STXBP6: variants seen among roughly 807,000 people sequenced by gnomAD.
STXBP6 encodes syntaxin-binding protein 6.
A neutral mutation model predicts 26.9 loss-of-function variants in STXBP6; 21 were observed. The ratio of observed to expected loss-of-function variants is 0.78; its 90% confidence interval spans 0.55 to 1.12. STXBP6 has a LOEUF of 1.12. STXBP6 is among the 50% of genes most tolerant of loss of function. The probability of loss-of-function intolerance (pLI) is 0.00; values close to 1 mark genes in which losing one functional copy is unlikely to be tolerated. For synonymous variants in STXBP6, 97 were observed against 92.6 expected (o/e 1.05, Z -0.27); for missense variants, 232 against 257.9 (o/e 0.90, Z 0.69).
Position 25,045,622 on chromosome 14 carries a change from A to C in STXBP6, c.-33+4256T>G, listed in dbSNP as rs368043490. ...TTTCTTTTCTTTTTTTTTTTTTTTG[A>C]GATGGAGATTCACTCTTGTTGCCCA... On this transcript the variant is annotated intron_variant, in intron 1 of 5. Transcript: ENST00000323944. 2.0e-4 allele frequency among the ~76,000 whole-genome samples: 24 copies of C among 117,616 alleles called. No homozygotes were observed. The East Asian group carries it at 4.2e-3, about 21-fold the overall frequency. The allele number at this position is 117,616 out of a possible 152,430, so 77.2% of individuals were successfully genotyped here.
Position 25,049,322 on chromosome 14 carries a change from G to A in STXBP6, c.-33+556C>T. 3 of 985,424 alleles carry A rather than the reference G, an allele frequency of 3.0e-6. No homozygotes were observed. Among genetic ancestry groups the A allele is most frequent in the Non-Finnish European group, 3.6e-6 (3 of 829,932 alleles). The allele number at this position is 985,424 out of a possible 1,614,324, so 61.0% of individuals were successfully genotyped here. On this transcript the variant is annotated intron_variant, in intron 1 of 5. Coordinates refer to ENST00000323944, the MANE Select transcript of STXBP6 (RefSeq NM_001394410.1). This position sits in a 1 kb window ranked among gnomAD's most constrained non-coding sequence, Gnocchi z 5.6. ...AGCCTGAGATCGGAAAGGGGGCATCGCCCAGGGCCAGCGCCCTGGGGGCAG... is the reference window on the plus strand; with the variant it reads ...AGCCTGAGATCGGAAAGGGGGCATCACCCAGGGCCAGCGCCCTGGGGGCAG...
intron 2 of STXBP6, among the ~76,000 whole-genome samples, chr14:24,885,517 A>T (rs2070548497): frequency 6.6e-6 from 1 of 152,224 alleles, no homozygotes; most frequent in African/African-American, 2.4e-5. Context: ...TACCTTCACA[A>T]GGGAGGCCAC....
intron 1 of STXBP6, among the ~76,000 whole-genome samples, chr14:24,983,264 C>T (rs140039496): frequency 1.3e-5 from 2 of 152,260 alleles, no homozygotes; most frequent in African/African-American, 4.8e-5. Flanking sequence ...TTGACATTCC[C>T]CTATTTTTAC....
Position 24,891,493 on chromosome 14 carries a change from C to T in STXBP6, c.155-34336G>A, listed in dbSNP as rs148195075. ...CTAAAACCTCACCATTAATTCATTC[C>T]CTGTTCCCCATCCTGTAAAGAAAGA... On this transcript the variant is annotated intron_variant, in intron 2 of 5. Coordinates refer to ENST00000323944, the MANE Select transcript of STXBP6 (RefSeq NM_001394410.1). Among the ~76,000 whole-genome samples the T allele has an allele frequency of 2.2e-3, 330 of 152,250 alleles. 2 individuals are homozygous for T. Among genetic ancestry groups the T allele is most frequent in the African/African-American group, 7.7e-3 (318 of 41,542 alleles).
intron 2 of STXBP6, among the ~76,000 whole-genome samples, chr14:24,880,953 T>C (rs192395423): frequency 1.3e-5 from 2 of 152,320 alleles, no homozygotes; most frequent in African/African-American, 4.8e-5. Flanking sequence ...TTCTCATTGT[T>C]TTGAAAATCC....
chr14:25,015,400 C>T (rs1348275411), intron 1 of STXBP6, among the ~76,000 whole-genome samples: 1 of 151,962 alleles, frequency 6.6e-6, no homozygotes, highest in African/African-American at 2.4e-5. Flanking sequence ...CCCACAGTCT[C>T]CACCCCTTCC....
chr14:24,926,751 T>A (rs1445836276), intron 2 of STXBP6, among the ~76,000 whole-genome samples: 1 of 152,170 alleles, frequency 6.6e-6, no homozygotes, highest in South Asian at 2.1e-4. Context: ...GCTCTACACC[T>A]AACTACGTGT....
chr14:24,859,498 T>C lies in STXBP6; in HGVS notation c.155-2341A>G, dbSNP rs554186694. 4.6e-5 allele frequency among the ~76,000 whole-genome samples: 7 copies of C among 152,248 alleles called. No individual in the cohort carries two copies. The South Asian group carries it at 1.2e-3, about 27-fold the overall frequency. ...CACACACACACCATTGCCAGACTTT[T>C]TGAGTACATACTTGAGGAAAGCATG... is the stretch of plus-strand genomic sequence containing the variant. On this transcript the variant is annotated intron_variant, in intron 2 of 5. Coordinates refer to ENST00000323944, the MANE Select transcript of STXBP6 (RefSeq NM_001394410.1).
intron 1 of STXBP6, among the ~76,000 whole-genome samples, chr14:25,035,106 G>A (rs979204760): frequency 3.4e-5 from 5 of 149,170 alleles, no homozygotes; most frequent in African/African-American, 1.0e-4. Flanking sequence ...AGCCAAGATC[G>A]CACCATTGCA....
At chr14:24,897,842 G>C (rs2071052748) in intron 2 of STXBP6, among the ~76,000 whole-genome samples, 1 of 152,144 alleles carries the variant, frequency 6.6e-6, no homozygotes, top group Non-Finnish European at 1.5e-5. Context: ...GTGGTGGTTT[G>C]GCCAAGGGAA....
intron 1 of STXBP6, among the ~76,000 whole-genome samples, chr14:25,000,170 C>T (rs1210659897): frequency 6.6e-6 from 1 of 151,922 alleles, no homozygotes. Flanking sequence ...TCACGCCATT[C>T]TCCTGCCTCA....
chr14:24,824,793 G>A (rs149163302), intron 4 of STXBP6, among the ~76,000 whole-genome samples: 1 of 152,288 alleles, frequency 6.6e-6, no homozygotes, highest in South Asian at 2.1e-4. Flanking sequence ...CACAATCACA[G>A]AACAGCTACC....
intron 1 of STXBP6, among the ~76,000 whole-genome samples, chr14:25,036,214 CAAA>C (rs559433301): frequency 0.16 from 12,975 of 79,602 alleles, 551 homozygotes; most frequent in East Asian, 0.33. Flanking sequence ...AAGACTCCAT[CAAA>C]AAAAAAAAAA....
At chr14:25,010,315 C>G (rs958437920) in intron 1 of STXBP6, among the ~76,000 whole-genome samples, 14 of 152,188 alleles carry the variant, frequency 9.2e-5, no homozygotes, top group African/African-American at 3.4e-4. Flanking sequence ...CTCCGGTAAA[C>G]CTATTCAGGC....
At chr14:24,815,042 T>C (rs2067931557) in intron 5 of STXBP6, among the ~76,000 whole-genome samples, 1 of 152,206 alleles carries the variant, frequency 6.6e-6, no homozygotes, top group South Asian at 2.1e-4. Flanking sequence ...TTAGTTTTTG[T>C]TTAAAAATTC....
intron 2 of STXBP6, among the ~76,000 whole-genome samples, chr14:24,869,254 T>C (rs1428271021): frequency 6.6e-6 from 1 of 152,058 alleles, no homozygotes; most frequent in East Asian, 1.9e-4. Context: ...TAAGGCAATA[T>C]GGGGAAATAA....
intron 1 of STXBP6, among the ~76,000 whole-genome samples, chr14:25,013,984 A>C (rs747602981): frequency 6.6e-6 from 1 of 152,326 alleles, no homozygotes; most frequent in South Asian, 2.1e-4. Flanking sequence ...AAGAGTCCTT[A>C]TCTTTTAGAG....
At position 24,811,090 on chromosome 14, in the gene STXBP6, G is replaced by C. The variant is rs2067810622; in HGVS notation, c.*1619C>G. 1 of 151,942 alleles carries C rather than the reference G, an allele frequency of 6.6e-6. No individual in the cohort carries two copies. The highest frequency in any genetic ancestry group is 2.1e-4 in the South Asian group (1 of 4,818). The allele number at this position is 151,942 out of a possible 1,614,324, so 9.4% of individuals were successfully genotyped here. Reference sequence around the variant, plus strand: ...ATACAGTTTATTAAATTTTATAGAGGGTTTTCTTGAATTGGATCATCTAAA... The same window carrying C: ...ATACAGTTTATTAAATTTTATAGAGCGTTTTCTTGAATTGGATCATCTAAA... On this transcript the variant is annotated 3_prime_UTR_variant, in exon 6 of 6. Coordinates refer to ENST00000323944, the MANE Select transcript of STXBP6 (RefSeq NM_001394410.1).
In STXBP6 at chr14:24,945,139, A is replaced by ATTTTTTTTTTTTTTTTTTTT. The variant is rs552562019; in HGVS notation, c.154+29506_154+29525dup. Among the ~76,000 whole-genome samples, 17 of 100,716 alleles carry ATTTTTTTTTTTTTTTTTTTT rather than the reference A, an allele frequency of 1.7e-4. 6 individuals carry two copies. Among genetic ancestry groups the ATTTTTTTTTTTTTTTTTTTT allele is most frequent in the African/African-American group, 2.5e-4 (7 of 27,538 alleles). The allele number at this position is 100,716 out of a possible 152,430, so 66.1% of individuals were successfully genotyped here. A position where few individuals can be genotyped will look rare whatever the true frequency, so the allele number is the denominator to read the frequency against. ...TGGCATGTATATGAACCAATTAGGA[A>ATTTTTTTTTTTTTTTTTTTT]TTTTTTTTTTTTTTTTTTTTTTTTT... On this transcript the variant is annotated intron_variant, in intron 2 of 5. Coordinates refer to ENST00000323944, the MANE Select transcript of STXBP6 (RefSeq NM_001394410.1).
Sources: allele counts gnomAD v4.1 joint callset (sites outside exome capture counted in the v4.1 genomes callset), GRCh38; gene constraint gnomAD v4.1.1; non-coding constraint Gnocchi (gnomAD v3.1); transcripts MANE v1.5; gene names NCBI Gene and HGNC (gene_info 2026-07-23, HGNC 2026-07-21).